Variants in CSMD3 observed in about 807,000 individuals in gnomAD.
The protein encoded by CSMD3 is CUB and Sushi multiple domains 3.
A neutral mutation model predicts 435.2 loss-of-function variants in CSMD3; 177 were observed. The ratio of observed to expected loss-of-function variants is 0.41; its 90% confidence interval spans 0.36 to 0.46. CSMD3 has a LOEUF of 0.46. Among genes scored for constraint, CSMD3 ranks in the 20% least tolerant of loss-of-function variants. The probability of loss-of-function intolerance (pLI) is 0.34; values close to 1 mark genes in which losing one functional copy is unlikely to be tolerated. For missense variants in CSMD3, 4,265 were observed against 4,504.6 expected (o/e 0.95, Z 1.52); for synonymous variants, 1,656 against 1,520.5 (o/e 1.09, Z -2.07).
chr8:112,332,046 C>A (rs1032321098), intron 45 of CSMD3, among the ~76,000 whole-genome samples: 3 of 151,994 alleles, frequency 2.0e-5, no homozygotes, highest in African/African-American at 7.2e-5. Context: ...ACTAACACTG[C>A]TCAAATAAAT....
intron 38 of CSMD3, among the ~76,000 whole-genome samples, chr8:112,358,958 A>T (rs1278439401): frequency 6.6e-6 from 1 of 152,224 alleles, no homozygotes; most frequent in East Asian, 1.9e-4. Context: ...TTTCAAAATA[A>T]ACTAAAAACA....
intron 16 of CSMD3, among the ~76,000 whole-genome samples, chr8:112,680,832 G>A (rs1262743106): frequency 6.6e-6 from 1 of 152,048 alleles, no homozygotes; most frequent in African/African-American, 2.4e-5. Flanking sequence ...AATTAAATTT[G>A]TTGTACTTTG....
At chr8:113,090,904 A>T (rs1434781328) in intron 5 of CSMD3, among the ~76,000 whole-genome samples, 1 of 151,982 alleles carries the variant, frequency 6.6e-6, no homozygotes, top group Non-Finnish European at 1.5e-5. Context: ...AAATATCCTA[A>T]CCTACCACCT....
intron 36 of CSMD3, among the ~76,000 whole-genome samples, chr8:112,386,577 A>C (rs936192794): frequency 2.6e-5 from 4 of 152,002 alleles, no homozygotes; most frequent in Non-Finnish European, 4.4e-5. Flanking sequence ...AGCTCACTGC[A>C]ACCTCTGCCT....
chr8:112,366,661 G>T (rs1320788866), intron 38 of CSMD3, among the ~76,000 whole-genome samples: 1 of 152,156 alleles, frequency 6.6e-6, no homozygotes, highest in Non-Finnish European at 1.5e-5. Context: ...GCCTCCCAAA[G>T]TGCTGGGATT....
At chr8:113,390,225 C>T (rs1315598179) in intron 1 of CSMD3, among the ~76,000 whole-genome samples, 1 of 151,792 alleles carries the variant, frequency 6.6e-6, no homozygotes. Flanking sequence ...TTATTTATTT[C>T]TATCCTCTGA....
intron 59 of CSMD3, among the ~76,000 whole-genome samples, chr8:112,274,751 C>T (rs1252684177): frequency 1.3e-5 from 2 of 152,070 alleles, no homozygotes; most frequent in Non-Finnish European, 2.9e-5. Context: ...AAATGGACCA[C>T]AAGACAAATT....
At chr8:112,839,111 T>C (rs1209841238) in intron 11 of CSMD3, among the ~76,000 whole-genome samples, 4 of 151,806 alleles carry the variant, frequency 2.6e-5, no homozygotes, top group Admixed American at 2.0e-4. Context: ...CCTCAGGGAA[T>C]TCTCTAGGCT....
intron 13 of CSMD3, among the ~76,000 whole-genome samples, chr8:112,723,072 TA>T (rs2076894641): frequency 6.6e-6 from 1 of 151,510 alleles, no homozygotes; most frequent in Admixed American, 6.6e-5. Flanking sequence ...AAGGTATTGA[TA>T]AAACGTAGTG....
intron 17 of CSMD3, among the ~76,000 whole-genome samples, chr8:112,657,901 G>T (rs1446984132): frequency 1.3e-5 from 2 of 152,060 alleles, no homozygotes; most frequent in African/African-American, 4.8e-5. Context: ...TTACTTTTTA[G>T]ACAACTGTCT....
intron 13 of CSMD3, among the ~76,000 whole-genome samples, chr8:112,793,132 A>AAATATATAAT: frequency 6.8e-6 from 1 of 147,884 alleles, no homozygotes; most frequent in Non-Finnish European, 1.5e-5. Flanking sequence ...CTAATATATT[A>AAATATATAAT]ATTTAATATA....
chr8:112,855,471 CAG>C (rs1290175166), intron 11 of CSMD3, among the ~76,000 whole-genome samples: 1 of 152,010 alleles, frequency 6.6e-6, no homozygotes, highest in Non-Finnish European at 1.5e-5. Context: ...TCAGACAAAT[CAG>C]AAACTCTTTC....
intron 5 of CSMD3, among the ~76,000 whole-genome samples, chr8:113,095,667 A>G (rs958769516): frequency 2.0e-5 from 3 of 151,652 alleles, no homozygotes; most frequent in African/African-American, 7.3e-5. Flanking sequence ...AAAATATCTG[A>G]AAAAAAAATC....
At chr8:112,814,919 A>G (rs1281321093) in intron 12 of CSMD3, among the ~76,000 whole-genome samples, 3 of 152,158 alleles carry the variant, frequency 2.0e-5, no homozygotes, top group Non-Finnish European at 4.4e-5. Context: ...AGACATGAGA[A>G]TTGTAGTCCT....
chr8:112,243,222 G>C (rs538576682), intron 65 of CSMD3, among the ~76,000 whole-genome samples: 2 of 140,310 alleles, frequency 1.4e-5, no homozygotes, highest in East Asian at 4.2e-4. Context: ...TCATACTACA[G>C]CGATTTCAAT....
chr8:113,025,260 T>C (rs190785603), intron 5 of CSMD3, among the ~76,000 whole-genome samples: 1,713 of 152,284 alleles, frequency 0.011, 17 homozygotes, highest in Non-Finnish European at 0.018. Context: ...GTAGTTTTGG[T>C]AAAGTGAAAC....
At chr8:112,360,805 G>C (rs1317042529) in intron 38 of CSMD3, among the ~76,000 whole-genome samples, 2 of 151,926 alleles carry the variant, frequency 1.3e-5, no homozygotes, top group Admixed American at 1.3e-4. Context: ...CAACTGATTT[G>C]TGTTAGGGAA....
chr8:113,305,118 A>G (rs2132617507), intron 2 of CSMD3, among the ~76,000 whole-genome samples: 1 of 128,132 alleles, frequency 7.8e-6, no homozygotes, highest in African/African-American at 3.0e-5. Flanking sequence ...ACATGGACAC[A>G]GGAAGGGGAA....
chr8:112,502,297 C>A (rs1043997895), intron 30 of CSMD3, among the ~76,000 whole-genome samples: 1 of 152,232 alleles, frequency 6.6e-6, no homozygotes, highest in African/African-American at 2.4e-5. Context: ...CAATAAACAG[C>A]CAACACCCCA....
Sources: allele counts gnomAD v4.1 joint callset (sites outside exome capture counted in the v4.1 genomes callset), GRCh38; gene constraint gnomAD v4.1.1; transcripts MANE v1.5; gene names NCBI Gene and HGNC (gene_info 2026-07-23, HGNC 2026-07-21).